Variants in FNBP1L observed in about 807,000 individuals in gnomAD.
FNBP1L encodes formin binding protein 1 like, also known as formin-binding protein 1-like.
In FNBP1L, 36 loss-of-function variants were observed where a neutral mutation model predicts 91.2. The observed-to-expected ratio is 0.39, with a 90% CI of 0.30 to 0.52. The LOEUF (loss-of-function observed/expected upper bound fraction) is 0.52. Among genes scored for constraint, FNBP1L ranks in the 20% least tolerant of loss-of-function variants. The pLI, the probability that FNBP1L is intolerant of heterozygous loss-of-function variation, is 0.66. For synonymous variants in FNBP1L, 242 were observed against 237.0 expected, an observed-to-expected ratio of 1.02 and a Z score of -0.19; for missense variants, 571 against 732.1, an observed-to-expected ratio of 0.78 and a Z score of 2.54.
At chr1:93,468,556 A>G (rs138378839) in intron 1 of FNBP1L, among the ~76,000 whole-genome samples, 4 of 152,064 alleles carry the variant, frequency 2.6e-5, no homozygotes, top group African/African-American at 9.7e-5. Context: ...TCAGCACCCC[A>G]TGTAGCTGGG....
chr1:93,458,316 G>T (rs193248244), intron 1 of FNBP1L, among the ~76,000 whole-genome samples: 7 of 152,216 alleles, frequency 4.6e-5, no homozygotes, highest in Admixed American at 3.3e-4. Context: ...TTTAGATAGA[G>T]ATGGGGTCTT....
In FNBP1L at chr1:93,510,796, T is replaced by C. The variant is rs542387422; in HGVS notation, c.140+11213T>C. ...GAGCTGAAAACCAAGGCTCAAGAAC[T>C]ACGTGAAGAATGCAGAAGCCTCAGG... is the stretch of plus-strand genomic sequence containing the variant. On this transcript the variant is annotated intron_variant, in intron 2 of 16. Coordinates refer to ENST00000271234, the MANE Select transcript of FNBP1L (RefSeq NM_001164473.3). 4.2e-4 allele frequency among the ~76,000 whole-genome samples: 64 copies of C among 152,102 alleles called. 1 individual carries two copies. Among genetic ancestry groups the C allele is most frequent in the Admixed American group, 1.4e-3 (21 of 15,278 alleles).
intron 12 of FNBP1L, among the ~76,000 whole-genome samples, chr1:93,545,164 CCTT>C (rs757638392): frequency 1.6e-4 from 24 of 152,068 alleles, no homozygotes; most frequent in Non-Finnish European, 2.9e-4. Context: ...TAAGGTACAG[CCTT>C]CTTGTGCTTC....
intron 1 of FNBP1L, among the ~76,000 whole-genome samples, chr1:93,493,404 T>A (rs1670160710): frequency 6.6e-6 from 1 of 152,228 alleles, no homozygotes; most frequent in Non-Finnish European, 1.5e-5. Context: ...ATCTTAACCA[T>A]TTTTAAATGT....
At chr1:93,544,668 CTAGTT>C (rs1672158209) in intron 12 of FNBP1L, among the ~76,000 whole-genome samples, 1 of 152,036 alleles carries the variant, frequency 6.6e-6, no homozygotes, top group African/African-American at 2.4e-5. Flanking sequence ...GACGTTTCCT[CTAGTT>C]TAATTTTTTA....
chr1:93,501,892 C>G (rs1670449875), intron 2 of FNBP1L, among the ~76,000 whole-genome samples: 1 of 152,016 alleles, frequency 6.6e-6, no homozygotes, highest in Non-Finnish European at 1.5e-5. Flanking sequence ...TCTAAACTTT[C>G]CTGCAGAAAA....
At chr1:93,517,281 A>G (rs1671159934) in intron 2 of FNBP1L, among the ~76,000 whole-genome samples, 1 of 151,880 alleles carries the variant, frequency 6.6e-6, no homozygotes, top group African/African-American at 2.4e-5. Flanking sequence ...CTGACCTCAA[A>G]TGATCTGTCT....
intron 1 of FNBP1L, among the ~76,000 whole-genome samples, chr1:93,449,111 C>T (rs1668388955): frequency 6.6e-6 from 1 of 152,384 alleles, no homozygotes; most frequent in East Asian, 1.9e-4. Context: ...CTTGTTCTTT[C>T]TCCTTCGTTC....
chr1:93,516,119 A>G (rs1346240842), intron 2 of FNBP1L, among the ~76,000 whole-genome samples: 1 of 152,204 alleles, frequency 6.6e-6, no homozygotes, highest in Non-Finnish European at 1.5e-5. Context: ...GTAAAAGTTA[A>G]TAGCCTTTCA....
In FNBP1L at chr1:93,546,928, C is replaced by T. The variant is rs559782162; in HGVS notation, c.1361C>T (p.Thr454Ile). The change falls in exon 13 of 17, where the codon ACC becomes ATC. Residue 454 changes from threonine (T) to isoleucine (I), a missense_variant. Thr to Ile is a moderately conservative substitution (Grantham distance 89). This residue lies in a region of FNBP1L where 189 missense variants were observed against 219.7 expected (regional missense o/e 0.86). Coordinates refer to ENST00000271234, the MANE Select transcript of FNBP1L (RefSeq NM_001164473.3). ...AGTTTGCAGCCTAAATTAGCAGAGA[C>T]CATGAATAACATTGACCGCCTACGA... is the stretch of plus-strand genomic sequence containing the variant. ...PGSLQPKLAE[T>I]MNNIDRLRME... 24 of 1,612,742 alleles carry T rather than the reference C, an allele frequency of 1.5e-5. No homozygotes were observed. In the East Asian group the frequency reaches 5.4e-4, roughly 36 times the overall value.
At position 93,514,344 on chromosome 1, in the gene FNBP1L, A is replaced by C. The variant is rs1267390296; in HGVS notation, c.141-7738A>C. Among the ~76,000 whole-genome samples, 689 of 151,888 alleles carry C rather than the reference A, an allele frequency of 4.5e-3. 1 individual carries two copies. The highest frequency in any genetic ancestry group is 7.5e-3 in the Non-Finnish European group (508 of 67,872). ...TATCGTGAAAATGGCCATACTGCCC[A>C]AGGTAATTTACAGATTCAATGCCAT... On this transcript the variant is annotated intron_variant, in intron 2 of 16. Transcript: ENST00000271234.
intron 2 of FNBP1L, among the ~76,000 whole-genome samples, chr1:93,507,649 T>TTTTA (rs563812714): frequency 2.0e-5 from 3 of 152,042 alleles, no homozygotes; most frequent in East Asian, 1.9e-4. Flanking sequence ...TTATTATTAG[T>TTTTA]TTTATTTATT....
At chr1:93,491,556 T>TA (rs1459658444) in intron 1 of FNBP1L, among the ~76,000 whole-genome samples, 3 of 152,068 alleles carry the variant, frequency 2.0e-5, no homozygotes, top group Non-Finnish European at 4.4e-5. Context: ...TAACCTAGTA[T>TA]AAAAAAATTT....
intron 14 of FNBP1L, 68 bp from the exon 15 acceptor site, chr1:93,549,210 A>G (rs1672328523): frequency 1.4e-5 from 18 of 1,320,680 alleles, no homozygotes; most frequent in Non-Finnish European, 1.7e-5. Context: ...GAGGTGATCA[A>G]TTTATAAATA....
intron 1 of FNBP1L, among the ~76,000 whole-genome samples, chr1:93,473,086 C>T (rs751014458): frequency 1.3e-5 from 2 of 152,030 alleles, no homozygotes; most frequent in Non-Finnish European, 2.9e-5. Flanking sequence ...ATTTTGTTTA[C>T]AAATTTTATT....
At chr1:93,498,942 AG>A (rs1570805837) in intron 1 of FNBP1L, among the ~76,000 whole-genome samples, 1 of 152,290 alleles carries the variant, frequency 6.6e-6, no homozygotes, top group East Asian at 1.9e-4. Context: ...ATTTGAACTC[AG>A]GTATGTTTGA....
At chr1:93,536,124 A>G (rs78931550) in intron 9 of FNBP1L, among the ~76,000 whole-genome samples, 2,829 of 152,216 alleles carry the variant, frequency 0.019, 95 homozygotes, top group African/African-American at 0.064. Context: ...AAAAGTAATC[A>G]AGTGAAATGG....
intron 3 of FNBP1L, among the ~76,000 whole-genome samples, chr1:93,522,365 A>G (rs1174702427): frequency 1.3e-5 from 2 of 152,136 alleles, no homozygotes; most frequent in African/African-American, 4.8e-5. Context: ...TTCAATTAAA[A>G]TGTAGACTAG....
intron 2 of FNBP1L, among the ~76,000 whole-genome samples, chr1:93,504,388 G>T (rs1462789892): frequency 1.3e-5 from 2 of 152,142 alleles, no homozygotes; most frequent in Admixed American, 6.5e-5. Flanking sequence ...TAGTCTGTAA[G>T]AAGTGCCTTT....
Sources: allele counts gnomAD v4.1 joint callset (sites outside exome capture counted in the v4.1 genomes callset), GRCh38; gene constraint gnomAD v4.1.1; regional missense constraint gnomAD v4.1.1; transcripts MANE v1.5; gene names NCBI Gene and HGNC (gene_info 2026-07-23, HGNC 2026-07-21).